The following ZNF208 variants were observed in gnomAD, a reference collection of about 807,000 sequenced individuals.
ZNF208 encodes the protein zinc finger protein 208, also known as zinc finger protein 95.
In ZNF208, 10 loss-of-function variants were observed where a neutral mutation model predicts 12.1. The ratio of observed to expected loss-of-function variants is 0.83; its 90% CI spans 0.51 to 1.40. The LOEUF is 1.40. ZNF208 is among the 40% of genes most tolerant of loss of function. ZNF208 has a pLI of 0.00. For missense variants in ZNF208, 1,652 were observed against 1,485.0 expected (o/e 1.11, Z -1.85); for synonymous variants, 497 against 488.4 (o/e 1.02, Z -0.23).
chr19:21,984,935 A>G (rs958171380), intron 3 of ZNF208, among the ~76,000 whole-genome samples: 5 of 152,224 alleles, frequency 3.3e-5, no homozygotes, highest in Non-Finnish European at 7.3e-5. Flanking sequence ...TTTAACATGT[A>G]TAGTCATATG....
At chr19:21,976,717 C>A (rs144338473) in intron 3 of ZNF208, among the ~76,000 whole-genome samples, 75 of 152,210 alleles carry the variant, frequency 4.9e-4, no homozygotes, top group African/African-American at 1.7e-3. Flanking sequence ...TGCACCACCA[C>A]ACCCAGCTAA....
intron 3 of ZNF208, among the ~76,000 whole-genome samples, chr19:21,981,755 G>C (rs1235718144): frequency 6.6e-6 from 1 of 152,174 alleles, no homozygotes; most frequent in East Asian, 1.9e-4. Context: ...AATAGGAAAA[G>C]AGGAAATCAA....
chr19:21,970,672 C>T lies in ZNF208; in HGVS notation c.*519G>A, dbSNP rs748912528. 3.7e-6 allele frequency: 4 copies of T among 1,092,392 alleles called. No homozygotes were observed. Among genetic ancestry groups the T allele is most frequent in the Admixed American group, 1.8e-5 (1 of 56,902 alleles). The allele number at this position is 1,092,392 out of a possible 1,614,324, so 67.7% of individuals were successfully genotyped here. A position where few individuals can be genotyped will look rare whatever the true frequency, so the allele number is the denominator to read the frequency against. On this transcript the variant is annotated 3_prime_UTR_variant, in exon 4 of 4. Coordinates refer to ENST00000397126, the MANE Select transcript of ZNF208 (RefSeq NM_007153.3). Reference sequence around the variant, plus strand: ...GTTTGAGGACTGGTTGAAGCCTTTGCCACATTCTTCTCATTTGTAGAGTTT... The same window carrying T: ...GTTTGAGGACTGGTTGAAGCCTTTGTCACATTCTTCTCATTTGTAGAGTTT...
chr19:21,985,267 A>G (rs1970613957), intron 3 of ZNF208, among the ~76,000 whole-genome samples: 1 of 152,166 alleles, frequency 6.6e-6, no homozygotes, highest in South Asian at 2.1e-4. Context: ...TTTGTCAGTC[A>G]TCCGTGACAA....
chr19:22,010,899 A>T lies in ZNF208; in HGVS notation c.-105T>A. Reference sequence around the variant, plus strand: ...ACTCTAGGAGCAGAGGACACACAGCAGTAAGGACGAGACCTTGACCTCCGG... The same window carrying T: ...ACTCTAGGAGCAGAGGACACACAGCTGTAAGGACGAGACCTTGACCTCCGG... On this transcript the variant is annotated 5_prime_UTR_variant, in exon 1 of 4. Coordinates refer to ENST00000397126, the MANE Select transcript of ZNF208 (RefSeq NM_007153.3). 6.5e-7 allele frequency: 1 copy of T among 1,534,770 alleles called. No individual in the cohort carries two copies.
downstream of ZNF208, among the ~76,000 whole-genome samples, chr19:21,963,469 A>T (rs1228839864): frequency 6.6e-6 from 1 of 152,026 alleles, no homozygotes; most frequent in Non-Finnish European, 1.5e-5. Flanking sequence ...CTGAACATAG[A>T]ATTTTCCATT....
At chr19:21,958,187 A>C (rs1970007531) in intron 4 of ZNF208, among the ~76,000 whole-genome samples, 2 of 151,684 alleles carry the variant, frequency 1.3e-5, no homozygotes, top group Non-Finnish European at 2.9e-5. Flanking sequence ...CAAAAAAAAA[A>C]CTAAAAGAAA....
rs920703777 is a variant in ZNF208 at position 21,970,111 on chromosome 19, A to T, written c.*1080T>A. 1.3e-5 allele frequency among the ~76,000 whole-genome samples: 2 copies of T among 152,182 alleles called. No individual in the cohort carries two copies. Among genetic ancestry groups the T allele is most frequent in the African/African-American group, 4.8e-5 (2 of 41,454 alleles). On this transcript the variant is annotated 3_prime_UTR_variant, in exon 4 of 4. Coordinates refer to ENST00000397126, the MANE Select transcript of ZNF208 (RefSeq NM_007153.3). ...ATTCTTCACTTTTCTAGGATTTCTC[A>T]TCTGTACGATTTCTTTTATATTCAG...
intron 1 of ZNF208, among the ~76,000 whole-genome samples, chr19:21,989,445 G>A (rs909209760): frequency 6.6e-6 from 1 of 151,946 alleles, no homozygotes; most frequent in Non-Finnish European, 1.5e-5. Flanking sequence ...GTATTCCATG[G>A]TATATATGTG....
intron 4 of ZNF208, among the ~76,000 whole-genome samples, chr19:21,957,693 A>T (rs1969998064): frequency 6.6e-6 from 1 of 152,208 alleles, no homozygotes; most frequent in Non-Finnish European, 1.5e-5. Context: ...GATTTCCATC[A>T]AAGCCTATCA....
intron 4 of ZNF208, among the ~76,000 whole-genome samples, chr19:21,951,716 G>C (rs768568380): frequency 6.6e-6 from 1 of 152,164 alleles, no homozygotes; most frequent in Non-Finnish European, 1.5e-5. Flanking sequence ...CTGGTCTGCA[G>C]CTCCAAATGT....
chr19:21,973,768 C>G lies in ZNF208; in HGVS notation c.1266G>C (p.Glu422Asp). The G allele has an allele frequency of 6.8e-6, 11 of 1,606,232 alleles. No individual in the cohort carries two copies. Among genetic ancestry groups the G allele is most frequent in the Non-Finnish European group, 9.4e-6 (11 of 1,173,754 alleles). Residue 422 changes from glutamate (E) to aspartate (D), a missense_variant, in exon 4 of 4, where the codon GAG becomes GAC. Glu to Asp is a conservative substitution (Grantham distance 45). Transcript: ENST00000397126. ...LTKHEVIHTGEKPYKCEECGK... is the reference protein window; with the variant it reads ...LTKHEVIHTGDKPYKCEECGK... ...CACATTCTTCACATTTGTAGGGTTT[C>G]TCTCCAGTATGAATGACCTCATGTT... is the stretch of plus-strand genomic sequence containing the variant.
intron 3 of ZNF208, among the ~76,000 whole-genome samples, chr19:21,975,472 T>C (rs1021604262): frequency 1.8e-4 from 28 of 152,116 alleles, no homozygotes; most frequent in African/African-American, 6.3e-4. Flanking sequence ...CTGAAGATGT[T>C]TGAGAGGCCC....
At chr19:21,954,561 T>C (rs920122831) in intron 4 of ZNF208, among the ~76,000 whole-genome samples, 9 of 152,360 alleles carry the variant, frequency 5.9e-5, no homozygotes, top group African/African-American at 1.7e-4. Flanking sequence ...GCTTTTCTTG[T>C]TGCATTGATC....
Position 21,973,106 on chromosome 19 carries a change from C to T in ZNF208, c.1928G>A (p.Gly643Asp), listed in dbSNP as rs772368508. 6 of 1,613,206 alleles carry T rather than the reference C, an allele frequency of 3.7e-6. No individual in the cohort carries two copies. In the South Asian group the frequency reaches 5.5e-5, roughly 15 times the overall value. Residue 643 changes from glycine to aspartate, a missense_variant, in exon 4 of 4, where the codon GGC becomes GAC. Gly to Asp is a moderately conservative substitution (Grantham distance 94). Transcript: ENST00000397126. Reference sequence around the variant, plus strand: ...GGTTGAGACCTTAATAAAGGTTTTGCCACATTCTTTACATTTGTAGGGCTT... The same window carrying T: ...GGTTGAGACCTTAATAAAGGTTTTGTCACATTCTTTACATTTGTAGGGCTT... ...GEKPYKCKEC[G>D]KTFIKVSTLT...
chr19:21,994,688 AT>A (rs1287538088), intron 1 of ZNF208, among the ~76,000 whole-genome samples: 7 of 152,122 alleles, frequency 4.6e-5, no homozygotes, highest in Admixed American at 2.0e-4. Context: ...TTCTAGAATA[AT>A]TTTTTTAGAA....
At chr19:21,944,206 A>G (rs555274216) in intron 4 of ZNF208, among the ~76,000 whole-genome samples, 6 of 152,310 alleles carry the variant, frequency 3.9e-5, no homozygotes, top group African/African-American at 9.6e-5. Context: ...CTGAAGCCCA[A>G]TATGTAATAA....
In ZNF208 at chr19:21,971,368, C is replaced by A. The variant is rs981415230; in HGVS notation, c.3666G>T (p.Glu1222Asp). The stretch of plus-strand genomic sequence containing the variant: ...CACATTCTTCACATTTGTAGGGTTT[C>A]TCTCCAGTATGAATTTTCTTGTGAT... Reference protein sequence around the residue: ...LRYHKKIHTGEKPYKCEECGK... With the variant: ...LRYHKKIHTGDKPYKCEECGK... The change falls in exon 4 of 4, where the codon GAG becomes GAT. Residue 1222 changes from glutamate (E) to aspartate (D), a missense_variant. By Grantham distance (45) the Glu-to-Asp change is conservative. Transcript: ENST00000397126. 23 of 1,609,872 alleles carry A rather than the reference C, an allele frequency of 1.4e-5. No individual in the cohort carries two copies. Among genetic ancestry groups the A allele is most frequent in the Non-Finnish European group, 1.9e-5 (22 of 1,179,306 alleles).
chr19:21,944,409 T>C (rs1050030102), intron 4 of ZNF208, among the ~76,000 whole-genome samples: 7 of 152,218 alleles, frequency 4.6e-5, no homozygotes, highest in Admixed American at 1.3e-4. Flanking sequence ...TAACCTGTTA[T>C]TCCACAACAA....
Sources: allele counts gnomAD v4.1 joint callset (sites outside exome capture counted in the v4.1 genomes callset), GRCh38; gene constraint gnomAD v4.1.1; transcripts MANE v1.5; gene names NCBI Gene and HGNC (gene_info 2026-07-23, HGNC 2026-07-21).